The following ANKRD30B variants were observed in gnomAD, a reference collection of about 807,000 sequenced individuals.
The protein encoded by ANKRD30B is ankyrin repeat domain 30B, also known as ankyrin repeat domain-containing protein 30B.
A neutral mutation model predicts 202.2 loss-of-function variants in ANKRD30B; 144 were observed. The ratio of observed to expected loss-of-function variants is 0.71; its 90% CI spans 0.62 to 0.82. The LOEUF is 0.82. ANKRD30B is among the 40% of genes least tolerant of loss of function. ANKRD30B has a pLI of 0.00. For missense variants in ANKRD30B, 1,487 were observed against 1,669.1 expected, an observed-to-expected ratio of 0.89 and a Z score of 1.90; for synonymous variants, 508 against 561.3, an observed-to-expected ratio of 0.91 and a Z score of 1.34.
chr18:14,843,852 T>C (rs1201084313), intron 39 of ANKRD30B, among the ~76,000 whole-genome samples: 1 of 152,156 alleles, frequency 6.6e-6, no homozygotes, highest in African/African-American at 2.4e-5. Flanking sequence ...TAATCATTTC[T>C]TTATGATCAT....
chr18:14,748,313 C>A lies in ANKRD30B; in HGVS notation c.-107C>A. On this transcript the variant is annotated 5_prime_UTR_variant, in exon 1 of 44. Transcript: ENST00000690538. ...GGAACTGAAGACGGGCGAGTGCGAG[C>A]CGGGGGCGGGTGCTGGGGAAGGGTA... The A allele has an allele frequency of 2.1e-6, 2 of 933,268 alleles. No homozygotes were observed. Among genetic ancestry groups the A allele is most frequent in the Non-Finnish European group, 3.0e-6 (2 of 658,424 alleles). The allele number at this position is 933,268 out of a possible 1,614,324, so 57.8% of individuals were successfully genotyped here.
chr18:14,787,864 G>A (rs183097336), intron 15 of ANKRD30B, among the ~76,000 whole-genome samples: 60 of 152,320 alleles, frequency 3.9e-4, no homozygotes, highest in African/African-American at 1.4e-3. Flanking sequence ...AGTCCATAGA[G>A]AGGTAGATTT....
chr18:14,809,718 C>T (rs547817586), intron 26 of ANKRD30B, among the ~76,000 whole-genome samples: 2 of 151,194 alleles, frequency 1.3e-5, no homozygotes, highest in South Asian at 4.2e-4. Context: ...GGCAGTCCAA[C>T]CTGGCATTGT....
downstream of ANKRD30B, among the ~76,000 whole-genome samples, chr18:14,858,046 T>C (rs1182907253): frequency 2.4e-5 from 2 of 84,744 alleles, no homozygotes; most frequent in African/African-American, 6.6e-5. Context: ...CCAGAGGGGG[T>C]GGCCGGGCAG....
the ANKRD30B span, among the ~76,000 whole-genome samples, chr18:14,896,343 G>A: frequency 1.3e-5 from 2 of 152,090 alleles, no homozygotes; most frequent in South Asian, 2.1e-4. Flanking sequence ...GTGTTAGCCA[G>A]GATGGTCTCG....
chr18:14,910,393 C>T, the ANKRD30B span, among the ~76,000 whole-genome samples: 3 of 151,930 alleles, frequency 2.0e-5, no homozygotes, highest in South Asian at 4.2e-4. Flanking sequence ...GTTTCATCTA[C>T]GTTCCTAAAA....
chr18:14,835,494 C>T (rs1971132324), intron 34 of ANKRD30B, among the ~76,000 whole-genome samples: 1 of 151,590 alleles, frequency 6.6e-6, no homozygotes, highest in Non-Finnish European at 1.5e-5. Flanking sequence ...AACTATTACA[C>T]CTTGCACATA....
intron 41 of ANKRD30B, 52 bp downstream of exon 41, chr18:14,850,434 A>G (rs888411076): frequency 2.1e-6 from 3 of 1,425,978 alleles, no homozygotes; most frequent in Non-Finnish European, 2.8e-6. Flanking sequence ...TTTCATCAGT[A>G]TTACTTTTAA....
chr18:14,823,416 A>G (rs973212856), intron 32 of ANKRD30B, among the ~76,000 whole-genome samples: 4 of 151,638 alleles, frequency 2.6e-5, no homozygotes, highest in Admixed American at 6.6e-5. Context: ...ACTTGCTGAC[A>G]TGACAGTTGT....
chr18:14,884,551 T>A, the ANKRD30B span, among the ~76,000 whole-genome samples: 58 of 151,920 alleles, frequency 3.8e-4, no homozygotes, highest in African/African-American at 1.3e-3. Context: ...GTTATTTTCA[T>A]CTCACATTTC....
intron 22 of ANKRD30B, among the ~76,000 whole-genome samples, chr18:14,799,965 A>T (rs1400326349): frequency 2.0e-5 from 3 of 152,004 alleles, no homozygotes; most frequent in Non-Finnish European, 4.4e-5. Flanking sequence ...GCACGGTGGC[A>T]CATGCCTGTA....
the ANKRD30B span, among the ~76,000 whole-genome samples, chr18:14,885,461 T>A: frequency 1.1e-4 from 16 of 151,922 alleles, no homozygotes; most frequent in Non-Finnish European, 2.9e-5. Flanking sequence ...ATCACATGAG[T>A]CTTAAGAGAA....
intron 14 of ANKRD30B, among the ~76,000 whole-genome samples, chr18:14,785,360 G>A (rs1227198798): frequency 2.0e-5 from 3 of 152,048 alleles, no homozygotes; most frequent in Non-Finnish European, 4.4e-5. Context: ...ATCCATAAAG[G>A]ACACAATTAA....
chr18:14,834,352 T>C (rs1971083760), intron 34 of ANKRD30B, among the ~76,000 whole-genome samples: 1 of 152,014 alleles, frequency 6.6e-6, no homozygotes, highest in South Asian at 2.1e-4. Context: ...TGTATAATAA[T>C]AAATTAGATG....
chr18:14,881,918 C>T, the ANKRD30B span, among the ~76,000 whole-genome samples: 40 of 151,820 alleles, frequency 2.6e-4, 1 homozygote, highest in African/African-American at 8.7e-4. Flanking sequence ...CCTTGAATAA[C>T]CTTTAATATT....
chr18:14,815,782 G>T (rs879198851), intron 30 of ANKRD30B, among the ~76,000 whole-genome samples: 1 of 151,986 alleles, frequency 6.6e-6, no homozygotes, highest in Non-Finnish European at 1.5e-5. Context: ...AAACAAATAT[G>T]TCAATATTGA....
the ANKRD30B span, among the ~76,000 whole-genome samples, chr18:14,898,015 A>G: frequency 6.6e-6 from 1 of 152,116 alleles, no homozygotes; most frequent in African/African-American, 2.4e-5. Flanking sequence ...CCTAATTCTC[A>G]TGTTTCACTA....
chr18:14,860,795 C>T, the ANKRD30B span, among the ~76,000 whole-genome samples: 1 of 151,956 alleles, frequency 6.6e-6, no homozygotes, highest in Admixed American at 6.6e-5. Context: ...ACCTCTGCTT[C>T]CTGGATTCAA....
the ANKRD30B span, among the ~76,000 whole-genome samples, chr18:14,862,969 G>A: frequency 6.6e-6 from 1 of 152,192 alleles, no homozygotes; most frequent in African/African-American, 2.4e-5. Context: ...TTGGGAATTG[G>A]AATATTTACC....
Sources: gnomAD v4.1 joint callset for allele counts (sites outside exome capture counted in the v4.1 genomes callset) on GRCh38, gnomAD v4.1.1 for gene constraint, MANE v1.5 for transcripts, NCBI Gene and HGNC (gene_info 2026-07-23, HGNC 2026-07-21) for gene names.